The following NUMB variants were observed in gnomAD, a reference collection of about 807,000 sequenced individuals.
The protein encoded by NUMB is protein numb homolog.
Under a neutral mutation model 59.7 loss-of-function variants are expected in NUMB, and 29 were observed. The ratio of observed to expected loss-of-function variants is 0.49; its 90% CI spans 0.36 to 0.66. The LOEUF is 0.66. Ranked by LOEUF, NUMB falls within the 30% of genes least tolerant of loss-of-function variation. The probability of loss-of-function intolerance (pLI) is 0.00; values close to 1 mark genes in which losing one functional copy is unlikely to be tolerated. For missense variants in NUMB, 723 were observed against 822.0 expected, an observed-to-expected ratio of 0.88 and a Z score of 1.47; for synonymous variants, 288 against 288.2, an observed-to-expected ratio of 1.00 and a Z score of 0.01.
At chr14:73,289,166 T>C (rs1430943787) in intron 8 of NUMB, among the ~76,000 whole-genome samples, 1 of 151,844 alleles carries the variant, frequency 6.6e-6, no homozygotes, top group Non-Finnish European at 1.5e-5. Context: ...CCTATCTTCC[T>C]CTAGCTCTAA....
At chr14:73,428,996 A>G (rs1897704774) in intron 1 of NUMB, among the ~76,000 whole-genome samples, 1 of 152,156 alleles carries the variant, frequency 6.6e-6, no homozygotes, top group South Asian at 2.1e-4. Context: ...GATATAAAAG[A>G]TACACAGAAC....
intron 2 of NUMB, among the ~76,000 whole-genome samples, chr14:73,380,109 G>A (rs543272428): frequency 5.3e-5 from 8 of 152,200 alleles, no homozygotes; most frequent in Admixed American, 3.9e-4. Context: ...TCCTGTTTGC[G>A]CCCCCAGCTC....
At chr14:73,330,186 C>A (rs1228663450) in intron 4 of NUMB, among the ~76,000 whole-genome samples, 1 of 152,118 alleles carries the variant, frequency 6.6e-6, no homozygotes, top group Admixed American at 6.6e-5. Flanking sequence ...CACACCACAA[C>A]ACCCAGTTAA....
intron 6 of NUMB, among the ~76,000 whole-genome samples, chr14:73,309,718 T>A (rs964113960): frequency 7.3e-6 from 1 of 137,232 alleles, no homozygotes; most frequent in Non-Finnish European, 1.5e-5. Context: ...GAACTTAAGG[T>A]ATAATAATAA....
chr14:73,381,762 A>C (rs1895256378), intron 2 of NUMB, among the ~76,000 whole-genome samples: 1 of 152,218 alleles, frequency 6.6e-6, no homozygotes, highest in African/African-American at 2.4e-5. Context: ...TATGCTTAAA[A>C]TTGTTTAATA....
rs371321496 is a variant in NUMB, at chr14:73,316,446, G to A, written c.202-24C>T. ...TCCTGGAGGAACAGGGGGACAAGTC[G>A]AGTGCTATTATTGTATGGCCTAAAT... On this transcript the variant is annotated intron_variant, in intron 5 of 12. Coordinates refer to ENST00000555238, the MANE Select transcript of NUMB (RefSeq NM_001005743.2). 1.1e-4 allele frequency: 184 copies of A among 1,611,558 alleles called. 1 individual carries two copies. The highest frequency in any genetic ancestry group is 1.5e-4 in the Non-Finnish European group (172 of 1,178,262).
At chr14:73,452,199 A>G (rs1031405023) in intron 1 of NUMB, among the ~76,000 whole-genome samples, 4 of 152,174 alleles carry the variant, frequency 2.6e-5, no homozygotes, top group African/African-American at 9.7e-5. Context: ...ATCTCTACTA[A>G]AAATGCAAAA....
intron 2 of NUMB, among the ~76,000 whole-genome samples, chr14:73,401,038 G>C (rs1053757837): frequency 2.0e-5 from 3 of 152,178 alleles, no homozygotes; most frequent in Admixed American, 1.3e-4. Flanking sequence ...ACAACGTGGG[G>C]CTTGCAATTT....
At chr14:73,343,499 C>T (rs556553247) in intron 4 of NUMB, among the ~76,000 whole-genome samples, 1 of 152,312 alleles carries the variant, frequency 6.6e-6, no homozygotes, top group South Asian at 2.1e-4. Context: ...GAACCTACCT[C>T]CCTTGATGGT....
At chr14:73,280,029 C>T (rs976803467) in intron 11 of NUMB, among the ~76,000 whole-genome samples, 9 of 152,102 alleles carry the variant, frequency 5.9e-5, no homozygotes, top group African/African-American at 1.9e-4. Flanking sequence ...TGGCAGTGTG[C>T]ACTTGTAAAC....
At chr14:73,361,388 A>G (rs976370689) in intron 3 of NUMB, among the ~76,000 whole-genome samples, 1 of 152,230 alleles carries the variant, frequency 6.6e-6, no homozygotes, top group Admixed American at 6.5e-5. Context: ...TCACTAATAT[A>G]AATATGTCAA....
At chr14:73,378,490 G>C (rs1303456960) in intron 2 of NUMB, among the ~76,000 whole-genome samples, 2 of 152,158 alleles carry the variant, frequency 1.3e-5, no homozygotes, top group Non-Finnish European at 2.9e-5. Context: ...CCAAAACTTA[G>C]AAGCAACCAA....
intron 8 of NUMB, among the ~76,000 whole-genome samples, chr14:73,289,095 C>G (rs890627638): frequency 6.6e-6 from 1 of 152,074 alleles, no homozygotes; most frequent in African/African-American, 2.4e-5. Context: ...CTGAATCCCC[C>G]CTCTAAGCAA....
At chr14:73,382,779 A>T (rs1485777044) in intron 2 of NUMB, among the ~76,000 whole-genome samples, 2 of 152,238 alleles carry the variant, frequency 1.3e-5, no homozygotes, top group African/African-American at 2.4e-5. Context: ...ATTCATTTTT[A>T]AAATGACCAG....
chr14:73,277,585 T>C (rs1455705606), intron 12 of NUMB, among the ~76,000 whole-genome samples: 1 of 152,132 alleles, frequency 6.6e-6, no homozygotes, highest in African/African-American at 2.4e-5. Flanking sequence ...CCCCTCGCTG[T>C]TGCTATGGCT....
intron 4 of NUMB, among the ~76,000 whole-genome samples, chr14:73,325,526 G>A (rs1400155971): frequency 2.0e-5 from 3 of 152,190 alleles, no homozygotes; most frequent in African/African-American, 7.2e-5. Flanking sequence ...GCTAACTGAA[G>A]TATACATCCA....
chr14:73,289,387 T>C (rs1387719738), intron 8 of NUMB, among the ~76,000 whole-genome samples: 1 of 152,262 alleles, frequency 6.6e-6, no homozygotes, highest in Non-Finnish European at 1.5e-5. Context: ...AGCAGGGTTA[T>C]CTGTATTTTA....
At chr14:73,429,683 C>G (rs575809965) in intron 1 of NUMB, among the ~76,000 whole-genome samples, 1 of 152,202 alleles carries the variant, frequency 6.6e-6, no homozygotes, top group East Asian at 1.9e-4. Flanking sequence ...TAGCTCACAC[C>G]TGTAATCCCA....
rs1210237967 is a variant in NUMB at position 73,300,848 on chromosome 14, A to T, written c.235-3563T>A. ...AGGCCTCGGTGTGTGATGTCCCCCTACCTGTGTCCAAGTGTTCTCATTGTT... is the reference window on the plus strand; with the variant it reads ...AGGCCTCGGTGTGTGATGTCCCCCTTCCTGTGTCCAAGTGTTCTCATTGTT... On this transcript the variant is annotated intron_variant, in intron 6 of 12. Coordinates refer to ENST00000555238, the MANE Select transcript of NUMB (RefSeq NM_001005743.2). Among the ~76,000 whole-genome samples, 5 of 151,694 alleles carry T rather than the reference A, an allele frequency of 3.3e-5. No homozygotes were observed. The East Asian group carries it at 9.7e-4, about 29-fold the overall frequency.
Sources: allele counts gnomAD v4.1 joint callset (sites outside exome capture counted in the v4.1 genomes callset), GRCh38; gene constraint gnomAD v4.1.1; transcripts MANE v1.5; gene names NCBI Gene and HGNC (gene_info 2026-07-23, HGNC 2026-07-21).